The following RPS6KC1 variants were observed in gnomAD, a reference collection of about 807,000 sequenced individuals.
The protein encoded by RPS6KC1 is ribosomal protein S6 kinase C1.
RPS6KC1 carries 54 observed loss-of-function variants against 103.8 expected under a neutral mutation model. That is an observed-to-expected ratio of 0.52 (90% CI 0.42 to 0.65). RPS6KC1 has a LOEUF of 0.65. Among genes scored for constraint, RPS6KC1 ranks in the 30% least tolerant of loss-of-function variants. The pLI is 0.00. For missense variants in RPS6KC1, 1,151 were observed against 1,253.8 expected, an observed-to-expected ratio of 0.92 and a Z score of 1.24; for synonymous variants, 439 against 438.7, an observed-to-expected ratio of 1.00 and a Z score of -0.01.
chr1:213,679,860 C>T, the RPS6KC1 span, among the ~76,000 whole-genome samples: 4 of 152,198 alleles, frequency 2.6e-5, no homozygotes, highest in African/African-American at 9.6e-5. Flanking sequence ...AAAAATAACA[C>T]AGCCAGCTGT....
At chr1:213,083,969 C>G (rs2080142423) in intron 3 of RPS6KC1, among the ~76,000 whole-genome samples, 1 of 152,124 alleles carries the variant, frequency 6.6e-6, no homozygotes, top group African/African-American at 2.4e-5. Context: ...GGTGAGAACA[C>G]TCAGGCAGCC....
chr1:213,109,877 ATATATT>A (rs2082851728), intron 4 of RPS6KC1, among the ~76,000 whole-genome samples: 1 of 151,664 alleles, frequency 6.6e-6, no homozygotes, highest in Non-Finnish European at 1.5e-5. Flanking sequence ...ATGTATGTAC[ATATATT>A]TATGTTTTTA....
At chr1:213,500,624 A>G in the RPS6KC1 span, among the ~76,000 whole-genome samples, 1 of 152,226 alleles carries the variant, frequency 6.6e-6, no homozygotes, top group Non-Finnish European at 1.5e-5. Context: ...CCACAAACAC[A>G]TGAGTATTGG....
chr1:213,344,220 A>G, the RPS6KC1 span, among the ~76,000 whole-genome samples: 1 of 152,240 alleles, frequency 6.6e-6, no homozygotes, highest in African/African-American at 2.4e-5. Flanking sequence ...CCTAAAAAAA[A>G]TCAGTACAAG....
the RPS6KC1 span, among the ~76,000 whole-genome samples, chr1:213,532,210 T>C: frequency 6.6e-6 from 1 of 152,106 alleles, no homozygotes; most frequent in East Asian, 1.9e-4. Flanking sequence ...TCCCAGCAGA[T>C]GGGCAGAAGG....
At chr1:213,205,237 AGTACACAGC>A (rs2093303917) in intron 8 of RPS6KC1, 1 of 984,680 alleles carries the variant, frequency 1.0e-6, no homozygotes, top group Non-Finnish European at 1.2e-6. Context: ...CTGATTCATT[AGTACACAGC>A]CATGGTGAGA....
chr1:213,176,191 AC>A (rs2148294341), intron 7 of RPS6KC1, among the ~76,000 whole-genome samples: 1 of 152,214 alleles, frequency 6.6e-6, no homozygotes, highest in South Asian at 2.1e-4. Context: ...TTTACTTGCA[AC>A]TTTTTTCTTG....
chr1:213,781,819 G>A, the RPS6KC1 span, among the ~76,000 whole-genome samples: 1 of 152,158 alleles, frequency 6.6e-6, no homozygotes, highest in Admixed American at 6.5e-5. Flanking sequence ...AGGAACTGGG[G>A]ATATGGGTGG....
At chr1:213,287,321 G>C in the RPS6KC1 span, among the ~76,000 whole-genome samples, 1 of 151,862 alleles carries the variant, frequency 6.6e-6, no homozygotes, top group East Asian at 1.9e-4. Context: ...TGGCTATCGT[G>C]TCCATTTACC....
chr1:213,168,114 G>T (rs2091159549), intron 7 of RPS6KC1, 141 bp downstream of exon 7: 2 of 542,690 alleles, frequency 3.7e-6, no homozygotes, highest in South Asian at 2.7e-5. Flanking sequence ...TTGGTAGAAA[G>T]AAATGCATTA....
intron 14 of RPS6KC1, 142 bp downstream of exon 14, chr1:213,262,958 G>A (rs952659842): frequency 1.6e-6 from 1 of 624,556 alleles, no homozygotes; most frequent in African/African-American, 1.8e-5. Context: ...AATTAATACT[G>A]TATATTTTCA....
intron 1 of RPS6KC1, among the ~76,000 whole-genome samples, chr1:213,053,816 A>G (rs995569889): frequency 3.3e-5 from 5 of 152,162 alleles, no homozygotes; most frequent in African/African-American, 9.6e-5. Flanking sequence ...TTACAAAAGG[A>G]AAGGTTAACC....
chr1:213,123,086 T>C (rs1415405631), intron 5 of RPS6KC1, among the ~76,000 whole-genome samples: 2 of 152,176 alleles, frequency 1.3e-5, no homozygotes, highest in Non-Finnish European at 2.9e-5. Flanking sequence ...TTACAGAGTT[T>C]GAATTTCAGA....
chr1:213,339,713 A>G, the RPS6KC1 span, among the ~76,000 whole-genome samples: 2 of 152,220 alleles, frequency 1.3e-5, no homozygotes, highest in African/African-American at 4.8e-5. Context: ...TCAGGAAATT[A>G]AGGCTCACAG....
chr1:213,695,038 G>A, the RPS6KC1 span, among the ~76,000 whole-genome samples: 1 of 152,140 alleles, frequency 6.6e-6, no homozygotes. Flanking sequence ...CGGAAGAGTT[G>A]AATCCTCTCC....
the RPS6KC1 span, among the ~76,000 whole-genome samples, chr1:213,731,032 C>T: frequency 6.6e-6 from 1 of 152,154 alleles, no homozygotes; most frequent in Non-Finnish European, 1.5e-5. Flanking sequence ...ATCAGGAATC[C>T]TTTCCCCATG....
At chr1:213,200,426 A>G (rs1458521733) in intron 8 of RPS6KC1, among the ~76,000 whole-genome samples, 1 of 152,224 alleles carries the variant, frequency 6.6e-6, no homozygotes, top group Non-Finnish European at 1.5e-5. Flanking sequence ...ATAACTGGCT[A>G]GCCACATGCA....
At chr1:213,853,483 AC>A in the RPS6KC1 span, among the ~76,000 whole-genome samples, 1 of 152,196 alleles carries the variant, frequency 6.6e-6, no homozygotes, top group Non-Finnish European at 1.5e-5. Context: ...CTTATTATCT[AC>A]CACAAAATAA....
At chr1:213,261,485 G>A in intron 12 of RPS6KC1, 73 bp from the exon 13 acceptor site, 1 of 1,331,478 alleles carries the variant, frequency 7.5e-7, no homozygotes, top group South Asian at 1.2e-5. Flanking sequence ...AGGTCACCTT[G>A]CTAATACATG....
Sources: allele counts gnomAD v4.1 joint callset (sites outside exome capture counted in the v4.1 genomes callset), GRCh38; gene constraint gnomAD v4.1.1; transcripts MANE v1.5; gene names NCBI Gene and HGNC (gene_info 2026-07-23, HGNC 2026-07-21).